Variants in FHIT observed in about 807,000 individuals in gnomAD.
FHIT encodes bis(5'-adenosyl)-triphosphatase.
In FHIT, 19 loss-of-function variants were observed where a neutral mutation model predicts 17.9. The observed-to-expected ratio is 1.06, with a 90% CI of 0.74 to 1.56. FHIT has a LOEUF of 1.56. Among genes scored for constraint, FHIT ranks in the 40% most tolerant of loss-of-function variants. The probability of loss-of-function intolerance (pLI) is 0.00; values close to 1 mark genes in which losing one functional copy is unlikely to be tolerated. For missense variants in FHIT, 248 were observed against 189.2 expected (o/e 1.31, Z -1.82); for synonymous variants, 81 against 69.7 (o/e 1.16, Z -0.81).
intron 5 of FHIT, among the ~76,000 whole-genome samples, chr3:60,092,484 T>G: frequency 6.6e-6 from 1 of 152,246 alleles, no homozygotes; most frequent in East Asian, 1.9e-4. Flanking sequence ...TTTTACAATG[T>G]CTACATTAAG....
chr3:60,562,689 C>A (rs2036994594), intron 4 of FHIT, among the ~76,000 whole-genome samples: 1 of 152,132 alleles, frequency 6.6e-6, no homozygotes, highest in Admixed American at 6.6e-5. Flanking sequence ...CAGCTCCACT[C>A]CAGATGTAAT....
chr3:60,632,284 C>G (rs1553682657), intron 4 of FHIT, among the ~76,000 whole-genome samples: 1 of 152,124 alleles, frequency 6.6e-6, no homozygotes, highest in South Asian at 2.1e-4. Flanking sequence ...TCTACTCACT[C>G]AGTAACCACA....
chr3:59,907,703 A>G (rs1277356102), intron 8 of FHIT, among the ~76,000 whole-genome samples: 2 of 152,172 alleles, frequency 1.3e-5, no homozygotes, highest in African/African-American at 2.4e-5. Context: ...TGAGTTTTCT[A>G]TTTGCTACTA....
At position 61,110,533 on chromosome 3, in the gene FHIT, T is replaced by G. The variant is rs529069057; in HGVS notation, c.-163-68434A>C. On this transcript the variant is annotated intron_variant, in intron 2 of 9. Transcript: ENST00000492590. ...TCCTTCCTTCCTTTCCTCCCTCCAT[T>G]CCTTTTTTCCTTCTTTTCGTCACTA... 3.3e-5 allele frequency among the ~76,000 whole-genome samples: 5 copies of G among 152,132 alleles called. No individual in the cohort carries two copies. In the South Asian group the frequency reaches 1.0e-3, roughly 31 times the overall value.
At chr3:59,928,753 T>G (rs1171731087) in intron 7 of FHIT, among the ~76,000 whole-genome samples, 1 of 151,916 alleles carries the variant, frequency 6.6e-6, no homozygotes, top group East Asian at 1.9e-4. Context: ...TCCCAGCACT[T>G]TGGGAGGCCA....
At chr3:61,063,996 C>CATACCTTG (rs2034518857) in intron 2 of FHIT, among the ~76,000 whole-genome samples, 1 of 152,156 alleles carries the variant, frequency 6.6e-6, no homozygotes, top group South Asian at 2.1e-4. Flanking sequence ...TCCTTGCTAA[C>CATACCTTG]ATACCTTGAT....
At chr3:60,641,317 A>C (rs540229138) in intron 4 of FHIT, among the ~76,000 whole-genome samples, 1 of 152,338 alleles carries the variant, frequency 6.6e-6, no homozygotes, top group South Asian at 2.1e-4. Context: ...TTTACAAAGT[A>C]AAAATACAAT....
At chr3:60,672,907 GCA>G (rs1207415208) in intron 4 of FHIT, among the ~76,000 whole-genome samples, 560 of 150,368 alleles carry the variant, frequency 3.7e-3, no homozygotes, top group African/African-American at 8.4e-3. Context: ...GTGTGTGTGT[GCA>G]TGCATGCTCT....
chr3:60,295,243 A>G (rs1373367723), intron 5 of FHIT, among the ~76,000 whole-genome samples: 1 of 152,142 alleles, frequency 6.6e-6, no homozygotes, highest in African/African-American at 2.4e-5. Flanking sequence ...CCTGGGCAAC[A>G]CAGAAAAAGA....
At chr3:60,323,615 T>G (rs1269172926) in intron 5 of FHIT, among the ~76,000 whole-genome samples, 1 of 152,200 alleles carries the variant, frequency 6.6e-6, no homozygotes, top group African/African-American at 2.4e-5. Flanking sequence ...TGTGTTGATC[T>G]TCATGATTTT....
intron 4 of FHIT, among the ~76,000 whole-genome samples, chr3:60,718,631 A>G (rs1437721852): frequency 6.6e-6 from 1 of 152,226 alleles, no homozygotes; most frequent in Non-Finnish European, 1.5e-5. Context: ...GGCAACTGAT[A>G]TTGATACATT....
At chr3:60,326,771 G>C (rs1400512339) in intron 5 of FHIT, among the ~76,000 whole-genome samples, 2 of 152,186 alleles carry the variant, frequency 1.3e-5, no homozygotes, top group African/African-American at 4.8e-5. Flanking sequence ...AAAGGATGAA[G>C]CTGGAGTAAA....
At chr3:60,151,840 C>T (rs78265162) in intron 5 of FHIT, among the ~76,000 whole-genome samples, 1,535 of 152,260 alleles carry the variant, frequency 0.01, 19 homozygotes, top group African/African-American at 0.036. Flanking sequence ...AAAAATAAGG[C>T]CCCTTTCCTA....
At chr3:60,584,425 G>A (rs536610936) in intron 4 of FHIT, among the ~76,000 whole-genome samples, 34 of 151,974 alleles carry the variant, frequency 2.2e-4, no homozygotes, top group African/African-American at 6.3e-4. Context: ...CTGCGGTGGC[G>A]GTGGCAGTAA....
At position 61,179,013 on chromosome 3, in the gene FHIT, T is replaced by C. The variant is rs543417996; in HGVS notation, c.-164+21604A>G. 7.8e-4 allele frequency among the ~76,000 whole-genome samples: 106 copies of C among 135,332 alleles called. 1 individual carries two copies. In the East Asian group the frequency reaches 0.014, roughly 17 times the overall value. 88.8% of individuals were successfully genotyped at this position (135,332 alleles called of 152,430 possible). A position where few individuals can be genotyped will look rare whatever the true frequency, so the allele number is the denominator to read the frequency against. ...CATTATTTCTTTTTCTTTTTCTTTTTTTTTTTTTTTTTTTTGAGACAGAGT... is the reference window on the plus strand; with the variant it reads ...CATTATTTCTTTTTCTTTTTCTTTTCTTTTTTTTTTTTTTTGAGACAGAGT... On this transcript the variant is annotated intron_variant, in intron 2 of 9. Coordinates refer to ENST00000492590, the MANE Select transcript of FHIT (RefSeq NM_002012.4).
intron 3 of FHIT, among the ~76,000 whole-genome samples, chr3:60,895,321 T>C (rs190458816): frequency 5.9e-5 from 9 of 152,346 alleles, no homozygotes; most frequent in Admixed American, 4.6e-4. Flanking sequence ...CTTGGTCCCA[T>C]TCTTGATGTG....
chr3:59,872,306 A>G (rs1048206709), intron 8 of FHIT, among the ~76,000 whole-genome samples: 11 of 152,092 alleles, frequency 7.2e-5, no homozygotes, highest in African/African-American at 2.7e-4. Context: ...GGAAGAAACA[A>G]CCCTAAAGCA....
intron 5 of FHIT, among the ~76,000 whole-genome samples, chr3:60,481,163 T>G (rs750197690): frequency 6.6e-5 from 10 of 151,954 alleles, no homozygotes; most frequent in Non-Finnish European, 1.2e-4. Flanking sequence ...CTCCAAGAAA[T>G]ATGGGACTTC....
intron 4 of FHIT, among the ~76,000 whole-genome samples, chr3:60,538,595 A>T (rs1242305048): frequency 1.3e-5 from 2 of 152,170 alleles, no homozygotes; most frequent in African/African-American, 4.8e-5. Flanking sequence ...AAACAGAGAT[A>T]TAGACCAATG....
Sources: allele counts gnomAD v4.1 joint callset (sites outside exome capture counted in the v4.1 genomes callset), GRCh38; gene constraint gnomAD v4.1.1; transcripts MANE v1.5; gene names NCBI Gene and HGNC (gene_info 2026-07-23, HGNC 2026-07-21).